Variants in ROBO2 observed in about 807,000 individuals in gnomAD.
ROBO2 encodes the protein roundabout guidance receptor 2, also known as roundabout homolog 2.
Under a neutral mutation model 160.8 loss-of-function variants are expected in ROBO2, and 53 were observed. The observed-to-expected ratio is 0.33, with a 90% CI of 0.26 to 0.41. The LOEUF is 0.41. Among genes scored for constraint, ROBO2 ranks in the 10% least tolerant of loss-of-function variants. The pLI is 1.00. For synonymous variants in ROBO2, 664 were observed against 611.7 expected (o/e 1.09, Z -1.26); for missense variants, 1,577 against 1,722.4 (o/e 0.92, Z 1.49).
intron 2 of ROBO2, among the ~76,000 whole-genome samples, chr3:76,058,533 C>T (rs576337858): frequency 2.1e-5 from 3 of 144,452 alleles, no homozygotes; most frequent in East Asian, 2.1e-4. Context: ...GGTAGAGTGA[C>T]GATTTCCACT....
chr3:75,969,338 T>C lies in ROBO2; in HGVS notation c.109+31736T>C, dbSNP rs535848273. On this transcript the variant is annotated intron_variant, in intron 2 of 26. Coordinates refer to the ROBO2 transcript ENST00000487694. ...TTTGGGTATATACCCAGCAGGGGGA[T>C]TGTGGAGTCATACACTAGCTCTATA... Among the ~76,000 whole-genome samples, 23 of 151,438 alleles carry C rather than the reference T, an allele frequency of 1.5e-4. 1 individual carries two copies. Among genetic ancestry groups the C allele is most frequent in the African/African-American group, 5.3e-4 (22 of 41,438 alleles).
At chr3:76,190,279 T>A (rs776487265) in intron 2 of ROBO2, among the ~76,000 whole-genome samples, 2 of 152,124 alleles carry the variant, frequency 1.3e-5, no homozygotes, top group Non-Finnish European at 2.9e-5. Flanking sequence ...TTTCCTTGTT[T>A]CTGGTGTCCC....
At chr3:76,512,564 G>A (rs1248742540) in intron 2 of ROBO2, among the ~76,000 whole-genome samples, 2 of 151,990 alleles carry the variant, frequency 1.3e-5, no homozygotes, top group African/African-American at 4.8e-5. Flanking sequence ...CTGCTTCTCA[G>A]TAGCCTGTAA....
chr3:77,040,870 T>G, intron 1 of ROBO2, 24 bp downstream of exon 1: 1 of 1,614,014 alleles, frequency 6.2e-7, no homozygotes, highest in South Asian at 1.1e-5. Context: ...GCTTTCATCT[T>G]TTTTTGCGCC....
chr3:76,740,449 C>A (rs1464122322), intron 2 of ROBO2, among the ~76,000 whole-genome samples: 1 of 152,098 alleles, frequency 6.6e-6, no homozygotes, highest in East Asian at 1.9e-4. Context: ...CCCCAGAGAC[C>A]TGAACATAAA....
intron 2 of ROBO2, among the ~76,000 whole-genome samples, chr3:76,280,698 C>CA (rs1323467369): frequency 2.6e-5 from 4 of 152,008 alleles, no homozygotes; most frequent in Non-Finnish European, 5.9e-5. Context: ...ATTTTTCTTT[C>CA]ATTTTCTTTA....
At chr3:76,821,882 T>TAAC (rs1202259856) in intron 2 of ROBO2, among the ~76,000 whole-genome samples, 5 of 151,750 alleles carry the variant, frequency 3.3e-5, no homozygotes, top group Admixed American at 6.6e-5. Context: ...GTCAGTGGTA[T>TAAC]AACACTAGAG....
At chr3:77,316,927 T>G (rs2153427212) in intron 2 of ROBO2, 1 of 1,241,598 alleles carries the variant, frequency 8.1e-7, no homozygotes, top group East Asian at 2.3e-5. Flanking sequence ...AGGGTCAGTC[T>G]GATACTTGGC....
rs550290021 is a variant in ROBO2, at chr3:76,178,672, C to T, written c.109+241070C>T. 3.3e-5 allele frequency among the ~76,000 whole-genome samples: 5 copies of T among 152,218 alleles called. No individual in the cohort carries two copies. In the South Asian group the frequency reaches 1.0e-3, roughly 32 times the overall value. Reference sequence around the variant, plus strand: ...CATAAAAAAGAACCTTGGCTGGATGCAGTGGCTCACGCCTGTAATCCCAGC... The same window carrying T: ...CATAAAAAAGAACCTTGGCTGGATGTAGTGGCTCACGCCTGTAATCCCAGC... On this transcript the variant is annotated intron_variant, in intron 2 of 26. Transcript: ENST00000487694.
At chr3:77,425,029 C>T (rs911469613) in intron 2 of ROBO2, among the ~76,000 whole-genome samples, 3 of 151,870 alleles carry the variant, frequency 2.0e-5, no homozygotes, top group East Asian at 3.9e-4. Flanking sequence ...ATATATATGA[C>T]GTAGTATTTG....
chr3:76,939,799 A>C (rs6768076), intron 2 of ROBO2, among the ~76,000 whole-genome samples: 74,513 of 151,678 alleles, frequency 0.49, 19,347 homozygotes, highest in African/African-American at 0.67. Flanking sequence ...ATAAGTAAAT[A>C]AATCAATCAA....
At chr3:76,680,994 C>T (rs902628479) in intron 2 of ROBO2, among the ~76,000 whole-genome samples, 5 of 151,998 alleles carry the variant, frequency 3.3e-5, no homozygotes, top group African/African-American at 1.2e-4. Flanking sequence ...CCAGGCTGGT[C>T]TCGAACTCCT....
chr3:76,747,696 G>T (rs1365678138), intron 2 of ROBO2, among the ~76,000 whole-genome samples: 1 of 151,526 alleles, frequency 6.6e-6, no homozygotes, highest in Non-Finnish European at 1.5e-5. Flanking sequence ...CTATTAATGA[G>T]CTAAAACATG....
intron 2 of ROBO2, among the ~76,000 whole-genome samples, chr3:76,214,984 C>G (rs1703407903): frequency 6.6e-6 from 1 of 152,144 alleles, no homozygotes; most frequent in African/African-American, 2.4e-5. Context: ...AACAATCAGG[C>G]AGCAGCATTT....
At chr3:76,057,697 G>A (rs2067900776) in intron 2 of ROBO2, among the ~76,000 whole-genome samples, 1 of 151,948 alleles carries the variant, frequency 6.6e-6, no homozygotes, top group Non-Finnish European at 1.5e-5. Flanking sequence ...CGACCAACAA[G>A]ACCAGATTTT....
At chr3:76,782,087 T>G (rs568359614) in intron 2 of ROBO2, among the ~76,000 whole-genome samples, 115 of 150,752 alleles carry the variant, frequency 7.6e-4, no homozygotes, top group Middle Eastern at 3.4e-3. Context: ...GATTAAGTCT[T>G]GGTAGATTGT....
At chr3:77,623,264 A>G (rs1300063901) in intron 23 of ROBO2, among the ~76,000 whole-genome samples, 1 of 151,856 alleles carries the variant, frequency 6.6e-6, no homozygotes, top group East Asian at 1.9e-4. Flanking sequence ...CCGAGCTACT[A>G]CAAACTGAAG....
At chr3:76,211,637 A>G (rs191143363) in intron 2 of ROBO2, among the ~76,000 whole-genome samples, 3 of 152,084 alleles carry the variant, frequency 2.0e-5, no homozygotes, top group Non-Finnish European at 1.5e-5. Flanking sequence ...ATGCTTATCT[A>G]CAGAAGCTGT....
chr3:77,113,168 C>T (rs372282251), intron 2 of ROBO2, among the ~76,000 whole-genome samples: 1 of 152,264 alleles, frequency 6.6e-6, no homozygotes, highest in South Asian at 2.1e-4. Flanking sequence ...GTAGACCAAC[C>T]CCTCATTTGT....
Sources: allele counts gnomAD v4.1 joint callset (sites outside exome capture counted in the v4.1 genomes callset), GRCh38; gene constraint gnomAD v4.1.1; transcripts MANE v1.5; gene names NCBI Gene and HGNC (gene_info 2026-07-23, HGNC 2026-07-21).